Variants in POLN observed in about 807,000 individuals in gnomAD.
The protein encoded by POLN is DNA polymerase N.
In POLN, 108 loss-of-function variants were observed where a neutral mutation model predicts 113.5. The observed-to-expected ratio is 0.95, with a 90% CI of 0.81 to 1.12. The LOEUF is 1.12. Among genes scored for constraint, POLN ranks in the 50% most tolerant of loss-of-function variants. POLN has a pLI of 0.00. For synonymous variants in POLN, 386 were observed against 391.5 expected, an observed-to-expected ratio of 0.99 and a Z score of 0.17; for missense variants, 1,097 against 1,077.1, an observed-to-expected ratio of 1.02 and a Z score of -0.26.
At chr4:2,227,697 C>T (rs1462569497) in intron 3 of POLN, 2 of 152,084 alleles carry the variant, frequency 1.3e-5, no homozygotes, top group African/African-American at 4.8e-5. Context: ...AACTCCTGGG[C>T]TCAAGTGATC....
At chr4:2,238,933 TACCACAGC>T (rs1734867623) in intron 2 of POLN, 1 of 1,610,266 alleles carries the variant, frequency 6.2e-7, no homozygotes. Flanking sequence ...CATTCTCTCT[TACCACAGC>T]AGGTAAACTT....
intron 19 of POLN, among the ~76,000 whole-genome samples, chr4:2,121,112 TA>T (rs1158056272): frequency 4.6e-5 from 7 of 152,092 alleles, no homozygotes; most frequent in Non-Finnish European, 8.8e-5. Flanking sequence ...TTCCTGATCT[TA>T]GGGGGAAGGC....
At chr4:2,194,581 G>A (rs1267822155) in intron 6 of POLN, among the ~76,000 whole-genome samples, 3 of 152,164 alleles carry the variant, frequency 2.0e-5, no homozygotes, top group Non-Finnish European at 2.9e-5. Context: ...CTGGGGCCAT[G>A]GAGATCACTT....
intron 4 of POLN, among the ~76,000 whole-genome samples, chr4:2,211,250 AAATAATAATAATAATAAT>A (rs71167780): frequency 3.7e-4 from 52 of 139,816 alleles, no homozygotes; most frequent in East Asian, 1.0e-3. Context: ...CTCCGTCTCC[AAATAATAATAATAATAAT>A]AATAATAATA....
chr4:2,081,389 G>C, intron 22 of POLN: 1 of 622,932 alleles, frequency 1.6e-6, no homozygotes, highest in Non-Finnish European at 2.8e-6. Flanking sequence ...ATGGGGAACA[G>C]TACTGCCTGG....
Position 2,138,768 on chromosome 4 carries a change from G to A in POLN, c.1732-7478C>T, listed in dbSNP as rs560364313. On this transcript the variant is annotated intron_variant, in intron 16 of 25. Transcript: ENST00000511885. ...AATACAAAAATTAGCCAGGTGTGGT[G>A]GTGCATGTCTGTAATCCCAGCTACT... Among the ~76,000 whole-genome samples the A allele has an allele frequency of 6.6e-5, 10 of 152,136 alleles. No individual in the cohort carries two copies. In the South Asian group the frequency reaches 1.9e-3, roughly 28 times the overall value.
chr4:2,204,858 G>A lies in POLN; in HGVS notation c.714+3129C>T, dbSNP rs959705554. Among the ~76,000 whole-genome samples, 3 of 152,074 alleles carry A rather than the reference G, an allele frequency of 2.0e-5. No homozygotes were observed. The East Asian group carries it at 5.8e-4, about 29-fold the overall frequency. On this transcript the variant is annotated intron_variant, in intron 5 of 25. Transcript: ENST00000511885. ...CAAAAATCACATGATCACCTCAATAGATACAGAAAAAGCATTCAACAAAAT... is the reference window on the plus strand; with the variant it reads ...CAAAAATCACATGATCACCTCAATAAATACAGAAAAAGCATTCAACAAAAT...
intron 19 of POLN, among the ~76,000 whole-genome samples, chr4:2,096,686 AAGAGAGAGAGAGAGAG>A (rs750844060): frequency 5.6e-4 from 73 of 130,008 alleles, no homozygotes; most frequent in Middle Eastern, 3.9e-3. Flanking sequence ...AGCCGAGAGA[AAGAGAGAGAGAGAGAG>A]AGAGAGAGAG....
chr4:2,198,323 G>T (rs557586345), intron 6 of POLN, among the ~76,000 whole-genome samples: 4 of 152,180 alleles, frequency 2.6e-5, no homozygotes, highest in African/African-American at 9.6e-5. Flanking sequence ...ACAGAAGAAC[G>T]GAACTCCATT....
intron 2 of POLN, chr4:2,230,818 C>T (rs1734555129): frequency 6.6e-6 from 1 of 152,138 alleles, no homozygotes; most frequent in Non-Finnish European, 1.5e-5. Context: ...ACTCAAGAAG[C>T]ATCTGATGTA....
chr4:2,226,967 TATG>T (rs1351392524), intron 3 of POLN, among the ~76,000 whole-genome samples: 1 of 152,316 alleles, frequency 6.6e-6, no homozygotes, highest in East Asian at 1.9e-4. Flanking sequence ...TTTGGATTCA[TATG>T]ATGAAGGAAT....
At chr4:2,181,567 A>G (rs1733143336) in intron 7 of POLN, among the ~76,000 whole-genome samples, 1 of 152,210 alleles carries the variant, frequency 6.6e-6, no homozygotes, top group African/African-American at 2.4e-5. Flanking sequence ...GATTCTGGAT[A>G]AAAAATGATA....
At chr4:2,238,771 T>C in intron 2 of POLN, 2 of 1,613,824 alleles carry the variant, frequency 1.2e-6, no homozygotes, top group South Asian at 2.2e-5. Context: ...GCTTTCTTAA[T>C]TCAATTTCAT....
chr4:2,163,648 A>G (rs1732656950), intron 13 of POLN, among the ~76,000 whole-genome samples: 3 of 152,214 alleles, frequency 2.0e-5, no homozygotes, highest in Admixed American at 2.0e-4. Context: ...GCGTATCGCA[A>G]TCAACAGGGA....
intron 6 of POLN, among the ~76,000 whole-genome samples, chr4:2,193,906 C>G (rs10012184): frequency 0.16 from 24,249 of 152,154 alleles, 3,140 homozygotes; most frequent in East Asian, 0.35. Context: ...ACATGTAGTA[C>G]AGTGGGAAGT....
intron 20 of POLN, among the ~76,000 whole-genome samples, chr4:2,091,761 CTGTGTGTGTGTG>C (rs765518897): frequency 1.5e-4 from 22 of 145,214 alleles, no homozygotes; most frequent in Admixed American, 6.1e-4. Flanking sequence ...ACACGTGAAT[CTGTGTGTGTGTG>C]TGTGTGTGTG....
chr4:2,198,818 A>C, intron 5 of POLN, 101 bp from the exon 6 acceptor site: 3 of 1,122,484 alleles, frequency 2.7e-6, no homozygotes, highest in Non-Finnish European at 3.7e-6. Context: ...AAGGCCTAAA[A>C]TTAAACTTGT....
intron 16 of POLN, among the ~76,000 whole-genome samples, chr4:2,153,188 A>G (rs1170029374): frequency 2.0e-5 from 3 of 152,240 alleles, no homozygotes; most frequent in African/African-American, 7.2e-5. Context: ...GCAGGAAAGG[A>G]AAATTCTAAA....
At chr4:2,177,221 G>A (rs1262126430) in intron 8 of POLN, 1 of 447,814 alleles carries the variant, frequency 2.2e-6, no homozygotes, top group Admixed American at 2.4e-5. Context: ...CCCAGGACAG[G>A]CCCAGCTCCC....
Sources: allele counts gnomAD v4.1 joint callset (sites outside exome capture counted in the v4.1 genomes callset), GRCh38; gene constraint gnomAD v4.1.1; transcripts MANE v1.5; gene names NCBI Gene and HGNC (gene_info 2026-07-23, HGNC 2026-07-21).